Variants in TOP1 observed in about 807,000 individuals in gnomAD.
TOP1 encodes the protein DNA topoisomerase 1.
A neutral mutation model predicts 111.1 loss-of-function variants in TOP1; 10 were observed. The ratio of observed to expected loss-of-function variants is 0.09; its 90% CI spans 0.06 to 0.15. The LOEUF (loss-of-function observed/expected upper bound fraction) is 0.15, where lower values mean the gene tolerates loss of function less well. TOP1 is among the 10% of genes least tolerant of loss of function. The pLI is 1.00. For synonymous variants in TOP1, 271 were observed against 302.9 expected (o/e 0.89, Z 1.10); for missense variants, 474 against 926.7 (o/e 0.51, Z 6.34).
intron 2 of TOP1, among the ~76,000 whole-genome samples, chr20:41,036,070 A>G (rs900828592): frequency 2.6e-5 from 4 of 152,240 alleles, no homozygotes; most frequent in African/African-American, 9.6e-5. Flanking sequence ...TTGAATAAAG[A>G]TAATATAGAT....
At chr20:41,076,799 C>G (rs563657581) in intron 4 of TOP1, among the ~76,000 whole-genome samples, 4 of 152,228 alleles carry the variant, frequency 2.6e-5, no homozygotes, top group Non-Finnish European at 5.9e-5. Context: ...TTGGTAAATT[C>G]AGATACTATG....
At chr20:41,113,092 G>C (rs1278834655) in intron 14 of TOP1, among the ~76,000 whole-genome samples, 167 bp downstream of exon 14, 2 of 152,142 alleles carry the variant, frequency 1.3e-5, no homozygotes, top group African/African-American at 4.8e-5. Flanking sequence ...GCCTTACTGT[G>C]AGCAGTAGAT....
intron 3 of TOP1, among the ~76,000 whole-genome samples, chr20:41,066,379 A>T (rs556591489): frequency 6.6e-6 from 1 of 152,008 alleles, no homozygotes; most frequent in Admixed American, 6.6e-5. Context: ...TCATCTTGAT[A>T]CATGCTTCAC....
At chr20:41,075,228 G>T (rs926102882) in intron 3 of TOP1, among the ~76,000 whole-genome samples, 1 of 152,170 alleles carries the variant, frequency 6.6e-6, no homozygotes. Context: ...CTGGAGTGCA[G>T]TGGCACTATC....
rs769467404 is a variant in TOP1 at position 41,097,263 on chromosome 20, G to A, written c.774G>A (p.Thr258=). 2.2e-5 allele frequency: 36 copies of A among 1,613,868 alleles called. No individual in the cohort carries two copies. Among genetic ancestry groups the A allele is most frequent in the African/African-American group, 6.7e-5 (5 of 75,006 alleles). Residue 258 remains threonine, a synonymous_variant, in exon 10 of 21, where the codon ACG becomes ACA. Transcript: ENST00000361337. This position sits in a 1 kb window ranked among gnomAD's most constrained non-coding sequence, Gnocchi z 4.2. ...KLSPKAEEVA[T]FFAKMLDHEY... ...GCCCCAAAGCAGAGGAAGTAGCTAC[G>A]TTCTTTGCAAAAATGCTCGACCATG...
intron 8 of TOP1, 121 bp downstream of exon 8, chr20:41,084,689 C>A: frequency 1.7e-6 from 1 of 598,748 alleles, no homozygotes; most frequent in African/African-American, 1.9e-5. Context: ...TAAACAATTT[C>A]TCTAGAGTAA....
In TOP1 at chr20:41,094,742, C is replaced by G. The variant is rs757186263; in HGVS notation, c.730+2155C>G. On this transcript the variant is annotated intron_variant, in intron 9 of 20. Coordinates refer to ENST00000361337, the MANE Select transcript of TOP1 (RefSeq NM_003286.4). The surrounding 1 kb of genome is among the most constrained non-coding windows in gnomAD (Gnocchi z 4.4). The stretch of plus-strand genomic sequence containing the variant: ...TGCCTACTCTCTGGGGAGGAGAATT[C>G]TTAGACTCCTTTAGAACTTGCCAGG... Among the ~76,000 whole-genome samples, 10 of 152,204 alleles carry G rather than the reference C, an allele frequency of 6.6e-5. No homozygotes were observed. The highest frequency in any genetic ancestry group is 1.5e-4 in the Non-Finnish European group (10 of 68,034).
At position 41,121,981 on chromosome 20, in the gene TOP1, C is replaced by T. The variant is rs1159496770; in HGVS notation, c.2046-25C>T. On this transcript the variant is annotated intron_variant, in intron 19 of 20. Coordinates refer to ENST00000361337, the MANE Select transcript of TOP1 (RefSeq NM_003286.4). The surrounding 1 kb of genome is among the most constrained non-coding windows in gnomAD (Gnocchi z 4.2). Reference sequence around the variant, plus strand: ...TCTTGTCTAGAGCCCAGGCCTGGTTCTTGAGGACTTTGCTATTCTTCTAGG... The same window carrying T: ...TCTTGTCTAGAGCCCAGGCCTGGTTTTTGAGGACTTTGCTATTCTTCTAGG... 1.9e-6 allele frequency: 3 copies of T among 1,612,788 alleles called. No homozygotes were observed. Among genetic ancestry groups the T allele is most frequent in the Admixed American group, 3.3e-5 (2 of 59,916 alleles).
intron 8 of TOP1, among the ~76,000 whole-genome samples, chr20:41,088,145 G>A (rs6093438): frequency 6.6e-6 from 1 of 152,150 alleles, no homozygotes; most frequent in African/African-American, 2.4e-5. Flanking sequence ...AGTTGCTGTG[G>A]GTCTTCAGGA....
chr20:41,049,618 T>A (rs2033377877), intron 2 of TOP1, among the ~76,000 whole-genome samples: 1 of 152,090 alleles, frequency 6.6e-6, no homozygotes, highest in Non-Finnish European at 1.5e-5. Context: ...TCAAAGTTAC[T>A]CAGTCAGCAG....
chr20:41,058,995 G>T lies in TOP1; in HGVS notation c.59-2399G>T, dbSNP rs2033509368. Among the ~76,000 whole-genome samples, 1 of 152,058 alleles carries T rather than the reference G, an allele frequency of 6.6e-6. No homozygotes were observed. Among genetic ancestry groups the T allele is most frequent in the Non-Finnish European group, 1.5e-5 (1 of 68,022 alleles). ...ACGGAATACTGTGCAGCCATAAGAA[G>T]AACGAGATTGTGTCCTTTGCAGGAA... On this transcript the variant is annotated intron_variant, in intron 2 of 20. Coordinates refer to ENST00000361337, the MANE Select transcript of TOP1 (RefSeq NM_003286.4). This position sits in a 1 kb window ranked among gnomAD's most constrained non-coding sequence, Gnocchi z 4.2.
chr20:41,051,270 C>G (rs1275311597), intron 2 of TOP1, among the ~76,000 whole-genome samples: 1 of 152,142 alleles, frequency 6.6e-6, no homozygotes, highest in Non-Finnish European at 1.5e-5. Context: ...CCCTAAGTCT[C>G]AAATCTATCA....
rs2034145811 is a variant in TOP1, at chr20:41,106,360, A to C, written c.1308+5007A>C. On this transcript the variant is annotated intron_variant, in intron 13 of 20. Coordinates refer to ENST00000361337, the MANE Select transcript of TOP1 (RefSeq NM_003286.4). The surrounding 1 kb of genome is among the most constrained non-coding windows in gnomAD (Gnocchi z 4.3). Reference sequence around the variant, plus strand: ...GCTATTCTTGGCCCTCTGCTGTTTCATATTAACTTTCAGATAAACTTGTCA... The same window carrying C: ...GCTATTCTTGGCCCTCTGCTGTTTCCTATTAACTTTCAGATAAACTTGTCA... Among the ~76,000 whole-genome samples the C allele has an allele frequency of 2.0e-5, 3 of 152,204 alleles. No homozygotes were observed. The highest frequency in any genetic ancestry group is 7.2e-5 in the African/African-American group (3 of 41,450).
rs1182073946 is a variant in TOP1 at position 41,069,919 on chromosome 20, G to A, written c.156-6252G>A. The stretch of plus-strand genomic sequence containing the variant: ...AGAAAAACATAAGCAAAACATAGAG[G>A]CATTGTAGTATATGCTTTGTTCTGG... On this transcript the variant is annotated intron_variant, in intron 3 of 20. Coordinates refer to ENST00000361337, the MANE Select transcript of TOP1 (RefSeq NM_003286.4). The surrounding 1 kb of genome is among the most constrained non-coding windows in gnomAD (Gnocchi z 4.1). 6.6e-6 allele frequency among the ~76,000 whole-genome samples: 1 copy of A among 152,160 alleles called. No individual in the cohort carries two copies. Among genetic ancestry groups the A allele is most frequent in the Admixed American group, 6.5e-5 (1 of 15,278 alleles).
intron 9 of TOP1, among the ~76,000 whole-genome samples, chr20:41,096,044 T>C (rs1197310570): frequency 6.6e-6 from 1 of 152,214 alleles, no homozygotes; most frequent in Non-Finnish European, 1.5e-5. Flanking sequence ...CAGCTTTCAT[T>C]GTGAAAACAT....
intron 3 of TOP1, among the ~76,000 whole-genome samples, chr20:41,070,325 A>G (rs1248363005): frequency 6.6e-6 from 1 of 152,234 alleles, no homozygotes; most frequent in Non-Finnish European, 1.5e-5. Context: ...CTGAAAACAA[A>G]GGATTAAATA....
At chr20:41,054,252 T>C (rs2033441012) in intron 2 of TOP1, among the ~76,000 whole-genome samples, 1 of 152,262 alleles carries the variant, frequency 6.6e-6, no homozygotes, top group East Asian at 1.9e-4. Context: ...GTTCTTGTGA[T>C]AGTGAGTTCT....
intron 7 of TOP1, among the ~76,000 whole-genome samples, chr20:41,081,926 T>G (rs1403906527): frequency 2.0e-5 from 3 of 152,258 alleles, no homozygotes; most frequent in East Asian, 3.8e-4. Context: ...CAGTTCCGTT[T>G]AAATGCTTTC....
chr20:41,077,731 C>A, intron 5 of TOP1, 94 bp downstream of exon 5: 1 of 1,181,462 alleles, frequency 8.5e-7, no homozygotes, highest in Non-Finnish European at 1.3e-6. Context: ...ACCCAAAACC[C>A]ACTGACCTGG....
Sources: gnomAD v4.1 joint callset for allele counts (sites outside exome capture counted in the v4.1 genomes callset) on GRCh38, gnomAD v4.1.1 for gene constraint, Gnocchi (gnomAD v3.1) non-coding constraint, MANE v1.5 for transcripts, NCBI Gene and HGNC (gene_info 2026-07-23, HGNC 2026-07-21) for gene names.